Variants in LMLN observed in about 807,000 individuals in gnomAD.
LMLN encodes the protein leishmanolysin like peptidase.
Under a neutral mutation model 92.3 loss-of-function variants are expected in LMLN, and 70 were observed. The ratio of observed to expected loss-of-function variants is 0.76; its 90% CI spans 0.63 to 0.92. The LOEUF (loss-of-function observed/expected upper bound fraction) is 0.92, where lower values mean the gene tolerates loss of function less well. Ranked by LOEUF, LMLN falls within the 40% of genes least tolerant of loss-of-function variation. The pLI, the probability that LMLN is intolerant of heterozygous loss-of-function variation, is 0.00. For missense variants in LMLN, 691 were observed against 814.6 expected (o/e 0.85, Z 1.85); for synonymous variants, 308 against 296.2 (o/e 1.04, Z -0.41).
intron 1 of LMLN, among the ~76,000 whole-genome samples, chr3:197,961,881 T>G (rs1363223189): frequency 1.3e-5 from 2 of 152,216 alleles, no homozygotes. Context: ...AACATCAGAA[T>G]AATTTAATGA....
In LMLN at chr3:198,019,259, G is replaced by T. The variant is rs773439614; in HGVS notation, c.1239G>T (p.Gln413His). ...TACTTCTCTTTGTTTGCAGGAGACA[G>T]ATGCTGAGCCCTTACTGTGACACGC... The change falls in exon 12 of 16, where the codon CAG becomes CAT. Residue 413 changes from glutamine to histidine, a missense_variant. Gln to His is a conservative substitution (Grantham distance 24). Transcript: ENST00000330198. This position sits in a 1 kb window ranked among gnomAD's most constrained non-coding sequence, Gnocchi z 5.5. The T allele has an allele frequency of 5.6e-6, 9 of 1,611,836 alleles. No homozygotes were observed. The Middle Eastern group carries it at 9.9e-4, about 177-fold the overall frequency.
chr3:198,013,758 C>T (rs1337238069), intron 11 of LMLN, among the ~76,000 whole-genome samples: 7 of 117,668 alleles, frequency 5.9e-5, no homozygotes, highest in Admixed American at 8.2e-5. Context: ...GACTTCTCTC[C>T]ACCCTTCAGA....
chr3:198,024,480 C>G (rs575324648), intron 13 of LMLN, among the ~76,000 whole-genome samples, 178 bp from the exon 15 acceptor site: 5 of 152,184 alleles, frequency 3.3e-5, no homozygotes, highest in East Asian at 1.9e-4. Flanking sequence ...CTCACAAAAC[C>G]CTGGGATTAC....
At chr3:197,984,112 T>G in intron 7 of LMLN, 64 bp downstream of exon 7, 1 of 1,002,548 alleles carries the variant, frequency 1.0e-6, no homozygotes, top group Non-Finnish European at 1.6e-6. Flanking sequence ...TGTTCTCATT[T>G]TTATACATAT....
intron 9 of LMLN, among the ~76,000 whole-genome samples, chr3:197,993,973 A>G (rs1721951542): frequency 6.6e-6 from 1 of 152,178 alleles, no homozygotes. Context: ...TGATTAACCA[A>G]TTATGGTTAA....
At chr3:197,977,753 A>G (rs892111571) in intron 5 of LMLN, among the ~76,000 whole-genome samples, 15 of 152,164 alleles carry the variant, frequency 9.9e-5, no homozygotes, top group African/African-American at 3.6e-4. Flanking sequence ...CTGGATACAT[A>G]TAAAAATCAT....
chr3:197,960,371 C>T (rs753000652), exon 1 of LMLN: 32 of 1,613,858 alleles, frequency 2.0e-5, no homozygotes, highest in Non-Finnish European at 2.5e-5. Flanking sequence ...TCCGGGCCAG[C>T]GCCACATCTA....
intron 14 of LMLN, among the ~76,000 whole-genome samples, chr3:198,029,325 T>G (rs1723016217): frequency 6.6e-6 from 1 of 152,214 alleles, no homozygotes; most frequent in African/African-American, 2.4e-5. Context: ...AATTTTAGTT[T>G]TGATCAAACT....
chr3:197,975,112 A>C (rs1401610640), intron 3 of LMLN, 40 bp downstream of exon 3: 4 of 1,119,178 alleles, frequency 3.6e-6, no homozygotes, highest in Non-Finnish European at 5.3e-6. Flanking sequence ...GGACACTTAA[A>C]ATTTTATTGC....
At chr3:197,990,015 C>G (rs1721820593) in intron 8 of LMLN, among the ~76,000 whole-genome samples, 1 of 152,162 alleles carries the variant, frequency 6.6e-6, no homozygotes, top group Non-Finnish European at 1.5e-5. Flanking sequence ...GCTGGGACTA[C>G]AGGCACACAC....
In LMLN at chr3:197,961,185, C is replaced by T. The variant is rs146952964; in HGVS notation, c.219+745C>T. ...ACCAAGTACTGCTATGGGATAATGG[C>T]TTATTTTTTAGGCGTATCTTGCCTT... is the stretch of plus-strand genomic sequence containing the variant. On this transcript the variant is annotated intron_variant, in intron 1 of 15. Coordinates refer to ENST00000330198, the Ensembl canonical transcript of LMLN. Among the ~76,000 whole-genome samples, 16 of 152,296 alleles carry T rather than the reference C, an allele frequency of 1.1e-4. No individual in the cohort carries two copies. The East Asian group carries it at 2.9e-3, about 28-fold the overall frequency.
intron 9 of LMLN, among the ~76,000 whole-genome samples, chr3:197,993,986 G>T (rs940439327): frequency 7.9e-5 from 12 of 152,094 alleles, no homozygotes; most frequent in Non-Finnish European, 1.5e-5. Context: ...ATGGTTAATT[G>T]ATTTTTAATA....
chr3:197,984,189 T>TATA (rs1240886676), intron 7 of LMLN, 141 bp downstream of exon 7: 1 of 482,178 alleles, frequency 2.1e-6, no homozygotes, highest in Non-Finnish European at 3.6e-6. Flanking sequence ...AAACTTAAAG[T>TATA]ATAATAATAA....
chr3:198,026,269 A>G (rs1722929127), intron 14 of LMLN, among the ~76,000 whole-genome samples: 1 of 150,474 alleles, frequency 6.6e-6, no homozygotes, highest in East Asian at 2.0e-4. Context: ...TAATAGCACT[A>G]TCAAGATATA....
At chr3:197,996,523 ATATT>A (rs1722022114) in intron 10 of LMLN, 1 of 272,004 alleles carries the variant, frequency 3.7e-6, no homozygotes, top group Non-Finnish European at 6.8e-6. Context: ...ATGGGTTCAC[ATATT>A]TATGCAACTT....
intron 13 of LMLN, among the ~76,000 whole-genome samples, chr3:198,023,267 G>A (rs999038337): frequency 6.6e-6 from 1 of 152,024 alleles, no homozygotes; most frequent in African/African-American, 2.4e-5. Context: ...ATAGCTCACT[G>A]TAACCTGTAA....
intron 11 of LMLN, among the ~76,000 whole-genome samples, chr3:198,000,406 A>T (rs1469563620): frequency 2.0e-5 from 3 of 152,214 alleles, no homozygotes; most frequent in African/African-American, 7.2e-5. Flanking sequence ...TGAAAGAGGT[A>T]AAAGCATTTA....
chr3:197,971,827 T>A (rs1292940314), intron 1 of LMLN, among the ~76,000 whole-genome samples: 3 of 152,080 alleles, frequency 2.0e-5, no homozygotes, highest in Non-Finnish European at 2.9e-5. Flanking sequence ...AAATTTGAAA[T>A]TTTTTAGCTG....
intron 12 of LMLN, among the ~76,000 whole-genome samples, chr3:198,020,720 A>G (rs1196308289): frequency 6.7e-6 from 1 of 149,108 alleles, no homozygotes; most frequent in Non-Finnish European, 1.5e-5. Context: ...CAGCTTCTCA[A>G]GTAGCTGGGA....
Sources: allele counts gnomAD v4.1 joint callset (sites outside exome capture counted in the v4.1 genomes callset), GRCh38; gene constraint gnomAD v4.1.1; non-coding constraint Gnocchi (gnomAD v3.1); transcripts MANE v1.5; gene names NCBI Gene and HGNC (gene_info 2026-07-23, HGNC 2026-07-21).